Variants in PER3 observed in about 807,000 individuals in gnomAD.
PER3 encodes period circadian regulator 3.
PER3 carries 107 observed loss-of-function variants against 127.2 expected under a neutral mutation model. That is an observed-to-expected ratio of 0.84 (90% confidence interval 0.72 to 0.99). The LOEUF is 0.99. Ranked by LOEUF, PER3 falls within the 50% of genes least tolerant of loss-of-function variation. The pLI is 0.00. For synonymous variants in PER3, 618 were observed against 585.8 expected (o/e 1.05, Z -0.79); for missense variants, 1,560 against 1,525.8 (o/e 1.02, Z -0.37).
chr1:7,796,038 G>T (rs2097143788), intron 6 of PER3, among the ~76,000 whole-genome samples: 1 of 152,166 alleles, frequency 6.6e-6, no homozygotes. Flanking sequence ...TGGCCAGTAG[G>T]AATCCCTTTG....
chr1:7,820,035 G>A, intron 14 of PER3, 80 bp from the exon 15 acceptor site: 1 of 1,395,964 alleles, frequency 7.2e-7, no homozygotes, highest in Non-Finnish European at 1.0e-6. Context: ...AAACATAAGT[G>A]GCATGAGAAA....
In PER3 at chr1:7,829,907, C is replaced by T. The variant is rs2097321784; in HGVS notation, c.2960C>T (p.Pro987Leu). 2 of 1,613,660 alleles carry T rather than the reference C, an allele frequency of 1.2e-6. No homozygotes were observed. Among genetic ancestry groups the T allele is most frequent in the African/African-American group, 1.3e-5 (1 of 74,814 alleles). The change falls in exon 19 of 22, where the codon CCC (proline) becomes CTC (leucine). Residue 987 changes from proline (P) to leucine (L), a missense_variant. This residue lies in a region of PER3 where 29 missense variants were observed against 103.6 expected (regional missense o/e 0.28). Transcript: ENST00000377532. ...TTGALSTGSPPRENPSHPTAS... is the reference protein window; with the variant it reads ...TTGALSTGSPLRENPSHPTAS... ...GGTGCACTGTCCACGGGGTCACCTC[C>T]CAGGGAGAATCCATCCCATCCTACT...
chr1:7,804,178 A>G (rs993145606), intron 10 of PER3, among the ~76,000 whole-genome samples: 2 of 152,184 alleles, frequency 1.3e-5, no homozygotes, highest in African/African-American at 4.8e-5. Context: ...AGCATACAAA[A>G]TTATTTATAC....
intron 21 of PER3, among the ~76,000 whole-genome samples, chr1:7,837,469 T>A (rs1286088993): frequency 6.6e-6 from 1 of 152,202 alleles, no homozygotes; most frequent in Non-Finnish European, 1.5e-5. Flanking sequence ...ATTGACTGCA[T>A]TTGATAGGTC....
rs1200682187 is a variant in PER3 at position 7,837,376 on chromosome 1, T to C, written c.3549+227T>C. Among the ~76,000 whole-genome samples, 6 of 152,202 alleles carry C rather than the reference T, an allele frequency of 3.9e-5. No individual in the cohort carries two copies. The East Asian group carries it at 7.7e-4, about 20-fold the overall frequency. On this transcript the variant is annotated intron_variant, in intron 21 of 21. Coordinates refer to ENST00000377532, the MANE Select transcript of PER3 (RefSeq NM_001377275.1). ...GTTCATTGGGTTTTGAATACAGGTC[T>C]TTTTGCCTCCAGGTGGTTTTTTCTT...
intron 9 of PER3, 97 bp from the exon 10 acceptor site, chr1:7,803,595 A>G (rs963981041): frequency 1.3e-6 from 1 of 794,126 alleles, no homozygotes; most frequent in Non-Finnish European, 2.0e-6. Context: ...CTCAAAAAAA[A>G]CCACTAAAAC....
In PER3 at chr1:7,820,514, GGACGGTCCATA is replaced by G. The variant is rs1455095138; in HGVS notation, c.1835_1845del (p.Arg612HisfsTer46). On this transcript the variant is annotated frameshift_variant, in exon 16 of 22. Transcript: ENST00000377532. LOFTEE classifies it high-confidence loss of function. ...ACCTAAATCAGAAATGCCAACAAAT[GGACGGTCCATA>G]GACACAGGAGGAGGAGCTCCACAGA... The G allele has an allele frequency of 6.2e-7, 1 of 1,613,974 alleles. No individual in the cohort carries two copies. Among genetic ancestry groups the G allele is most frequent in the South Asian group, 1.1e-5 (1 of 91,042 alleles).
intron 5 of PER3, 129 bp downstream of exon 5, chr1:7,788,375 AG>A: frequency 1.5e-6 from 1 of 669,294 alleles, no homozygotes; most frequent in Non-Finnish European, 2.6e-6. Flanking sequence ...TTCCTGTTAT[AG>A]AAAGTCACGT....
At chr1:7,808,116 C>A (rs1894676) in intron 10 of PER3, among the ~76,000 whole-genome samples, 12,464 of 151,650 alleles carry the variant, frequency 0.082, 571 homozygotes, top group Middle Eastern at 0.2. Context: ...ACCTGTAATC[C>A]CAGCTACTCG....
At chr1:7,840,113 G>C (rs980306539) in intron 21 of PER3, among the ~76,000 whole-genome samples, 2 of 151,868 alleles carry the variant, frequency 1.3e-5, no homozygotes, top group Non-Finnish European at 2.9e-5. Flanking sequence ...TCAATTGTCC[G>C]GTCTTCATAC....
intron 6 of PER3, among the ~76,000 whole-genome samples, chr1:7,796,927 A>G (rs2097148279): frequency 6.6e-6 from 1 of 152,182 alleles, no homozygotes; most frequent in African/African-American, 2.4e-5. Flanking sequence ...GGCTGGAGTT[A>G]TCATTTTTTG....
intron 6 of PER3, among the ~76,000 whole-genome samples, chr1:7,794,533 C>T (rs2097136479): frequency 6.6e-6 from 1 of 151,986 alleles, no homozygotes; most frequent in African/African-American, 2.4e-5. Context: ...GGAAAAAAGT[C>T]TAGAAAAATA....
At position 7,801,169 on chromosome 1, in the gene PER3, GT is replaced by G; in HGVS notation, c.855del (p.Glu287LysfsTer2). 1 of 1,598,426 alleles carries G rather than the reference GT, an allele frequency of 6.3e-7. No homozygotes were observed. Among genetic ancestry groups the G allele is most frequent in the South Asian group, 1.1e-5 (1 of 88,768 alleles). ...IFTTTHTPGC[V>X]FLEVDEKAVP... Reference sequence around the variant, plus strand: ...CACCACCACACACACCCCAGGGTGTGTTTTTCTTGAAGTAGATGAAAAGTAA... The same window carrying G: ...CACCACCACACACACCCCAGGGTGTGTTTTCTTGAAGTAGATGAAAAGTAA... On this transcript the variant is annotated frameshift_variant, in exon 8 of 22. Coordinates refer to ENST00000377532, the MANE Select transcript of PER3 (RefSeq NM_001377275.1). LOFTEE classifies it high-confidence loss of function.
intron 6 of PER3, among the ~76,000 whole-genome samples, chr1:7,794,720 A>G (rs1286670568): frequency 6.6e-6 from 1 of 152,026 alleles, no homozygotes; most frequent in Non-Finnish European, 1.5e-5. Flanking sequence ...AGAAGGATTT[A>G]AAAGATCTAG....
rs190173519 is a variant in PER3, at chr1:7,841,787, G to T, written c.3550-885G>T. On this transcript the variant is annotated intron_variant, in intron 21 of 21. Coordinates refer to ENST00000377532, the MANE Select transcript of PER3 (RefSeq NM_001377275.1). ...AAAAGCAGGAGCTGGGCTGGTTATT[G>T]TAAGTGTCTTTGTTTTTTTCAGTGT... Among the ~76,000 whole-genome samples the T allele has an allele frequency of 5.9e-5, 9 of 152,258 alleles. No homozygotes were observed. The East Asian group carries it at 1.4e-3, about 23-fold the overall frequency.
At chr1:7,817,703 G>A (rs890318884) in intron 13 of PER3, among the ~76,000 whole-genome samples, 2 of 152,096 alleles carry the variant, frequency 1.3e-5, no homozygotes, top group Non-Finnish European at 2.9e-5. Flanking sequence ...TATACAGAGG[G>A]ATGGATAGAC....
chr1:7,805,985 TATTA>T (rs2097190904), intron 10 of PER3, among the ~76,000 whole-genome samples: 1 of 152,196 alleles, frequency 6.6e-6, no homozygotes. Context: ...GCTCATAAAA[TATTA>T]ATTATTCATT....
intron 21 of PER3, among the ~76,000 whole-genome samples, chr1:7,840,888 G>A (rs1046463294): frequency 5.3e-5 from 8 of 152,110 alleles, no homozygotes; most frequent in Admixed American, 2.6e-4. Context: ...GATTACAGGC[G>A]TGAGCCACTG....
intron 7 of PER3, among the ~76,000 whole-genome samples, chr1:7,800,861 G>A (rs2097167732): frequency 6.6e-6 from 1 of 150,436 alleles, no homozygotes; most frequent in African/African-American, 2.4e-5. Flanking sequence ...ACTATTTAAT[G>A]TGCACATTCT....
Sources: allele counts gnomAD v4.1 joint callset (sites outside exome capture counted in the v4.1 genomes callset), GRCh38; gene constraint gnomAD v4.1.1; regional missense constraint gnomAD v4.1.1; transcripts MANE v1.5; gene names NCBI Gene and HGNC (gene_info 2026-07-23, HGNC 2026-07-21).